The following VPS13B variants were observed in gnomAD, a reference collection of about 807,000 sequenced individuals.
VPS13B encodes the protein intermembrane lipid transfer protein VPS13B.
In VPS13B, 285 loss-of-function variants were observed where a neutral mutation model predicts 426.4. That is an observed-to-expected ratio of 0.67 (90% CI 0.61 to 0.74). VPS13B has a LOEUF of 0.74. Among genes scored for constraint, VPS13B ranks in the 30% least tolerant of loss-of-function variants. The pLI, the probability that VPS13B is intolerant of heterozygous loss-of-function variation, is 0.00. For synonymous variants in VPS13B, 1,676 were observed against 1,676.4 expected (o/e 1.00, Z 0.01); for missense variants, 4,537 against 4,782.6 (o/e 0.95, Z 1.51).
chr8:99,318,638 G>A (rs1025244860), intron 19 of VPS13B, among the ~76,000 whole-genome samples: 2 of 152,060 alleles, frequency 1.3e-5, no homozygotes, highest in Admixed American at 1.3e-4. Flanking sequence ...TCCTGCCTCA[G>A]CCTCCTGAAT....
At chr8:99,187,424 TA>T (rs1487021089) in intron 16 of VPS13B, among the ~76,000 whole-genome samples, 1 of 152,218 alleles carries the variant, frequency 6.6e-6, no homozygotes, top group African/African-American at 2.4e-5. Flanking sequence ...CATATTTGTT[TA>T]TCCTTCTATT....
intron 31 of VPS13B, among the ~76,000 whole-genome samples, chr8:99,570,587 T>C (rs1825424597): frequency 6.6e-6 from 1 of 152,076 alleles, no homozygotes; most frequent in South Asian, 2.1e-4. Context: ...TTTTTAATTC[T>C]GTATGTTTTT....
intron 23 of VPS13B, among the ~76,000 whole-genome samples, chr8:99,449,808 A>G (rs748401892): frequency 2.8e-4 from 43 of 151,430 alleles, no homozygotes; most frequent in Non-Finnish European, 5.0e-4. Context: ...TTTCAGAAGA[A>G]TGATTTTTTT....
At chr8:99,478,456 T>TGTTTG (rs1819841431) in intron 24 of VPS13B, among the ~76,000 whole-genome samples, 2 of 131,876 alleles carry the variant, frequency 1.5e-5, no homozygotes, top group African/African-American at 6.1e-5. Context: ...TGTTTTTTTT[T>TGTTTG]TTTTTTTTTG....
chr8:99,376,120 C>A (rs1359856584), intron 19 of VPS13B, among the ~76,000 whole-genome samples: 1 of 152,172 alleles, frequency 6.6e-6, no homozygotes, highest in Non-Finnish European at 1.5e-5. Flanking sequence ...GCCATTTGGG[C>A]AGTGAGGAGA....
At chr8:99,233,832 C>T in intron 17 of VPS13B, 1 of 778,900 alleles carries the variant, frequency 1.3e-6, no homozygotes, top group East Asian at 2.4e-5. Flanking sequence ...ATCTCTTCGG[C>T]TAGTTTGGTC....
rs188421228 is a variant in VPS13B at position 99,685,093 on chromosome 8, G to A, written c.6047-14432G>A. On this transcript the variant is annotated intron_variant, in intron 35 of 61. Coordinates refer to ENST00000357162, the MANE Select transcript of VPS13B (RefSeq NM_152564.5). ...TGGGATTACAGGTATGAGCCACCGC[G>A]CCTGGCCCCATTAGATGTTTTTAAG... 1.4e-3 allele frequency among the ~76,000 whole-genome samples: 208 copies of A among 152,308 alleles called. 3 individuals carry two copies. Among genetic ancestry groups the A allele is most frequent in the African/African-American group, 3.3e-3 (139 of 41,568 alleles).
intron 30 of VPS13B, among the ~76,000 whole-genome samples, chr8:99,529,342 G>A (rs1822810522): frequency 6.6e-6 from 1 of 152,154 alleles, no homozygotes; most frequent in South Asian, 2.1e-4. Context: ...ACTCAATAAT[G>A]TATTGTGGTC....
intron 21 of VPS13B, among the ~76,000 whole-genome samples, chr8:99,396,637 T>C (rs1219709242): frequency 6.6e-6 from 1 of 152,058 alleles, no homozygotes; most frequent in African/African-American, 2.4e-5. Flanking sequence ...TTTTTTTTGC[T>C]AAGGAATTAC....
intron 21 of VPS13B, among the ~76,000 whole-genome samples, chr8:99,397,883 G>T (rs1469603521): frequency 6.6e-6 from 1 of 152,134 alleles, no homozygotes; most frequent in Non-Finnish European, 1.5e-5. Context: ...CTGTCTAACT[G>T]CATAAGAGGT....
chr8:99,486,286 C>T (rs948757382), intron 25 of VPS13B, among the ~76,000 whole-genome samples: 1 of 151,974 alleles, frequency 6.6e-6, no homozygotes, highest in African/African-American at 2.4e-5. Context: ...AGTGCAGTGG[C>T]GCGATCTCGG....
chr8:99,681,024 T>G (rs1338550659), intron 35 of VPS13B, among the ~76,000 whole-genome samples: 1 of 152,226 alleles, frequency 6.6e-6, no homozygotes, highest in Non-Finnish European at 1.5e-5. Context: ...AGACACTATT[T>G]TTGCATATTT....
At chr8:99,150,879 A>G (rs977934263) in intron 14 of VPS13B, among the ~76,000 whole-genome samples, 1 of 152,164 alleles carries the variant, frequency 6.6e-6, no homozygotes, top group Admixed American at 6.5e-5. Flanking sequence ...CATGTTTTCA[A>G]CTCCTTTGGG....
intron 2 of VPS13B, among the ~76,000 whole-genome samples, chr8:99,016,218 G>GT (rs2132134559): frequency 6.6e-6 from 1 of 152,250 alleles, no homozygotes; most frequent in South Asian, 2.1e-4. Context: ...TCTTGGTAAC[G>GT]TAAGTATTAA....
chr8:99,232,656 C>T (rs1158726361), intron 17 of VPS13B, among the ~76,000 whole-genome samples: 1 of 152,184 alleles, frequency 6.6e-6, no homozygotes, highest in Non-Finnish European at 1.5e-5. Flanking sequence ...CTAATATGTG[C>T]ACACATGTAC....
intron 21 of VPS13B, among the ~76,000 whole-genome samples, chr8:99,402,486 G>A (rs189749230): frequency 3.5e-4 from 54 of 152,260 alleles, no homozygotes; most frequent in Admixed American, 2.6e-3. Flanking sequence ...TTAAGATGTT[G>A]TGTTGTACAA....
chr8:99,037,322 A>G (rs1842789580), intron 2 of VPS13B, among the ~76,000 whole-genome samples: 1 of 152,094 alleles, frequency 6.6e-6, no homozygotes, highest in Non-Finnish European at 1.5e-5. Flanking sequence ...TTGTAATAAT[A>G]ATAATAATAA....
chr8:99,213,833 T>G (rs1465792579), intron 17 of VPS13B, among the ~76,000 whole-genome samples: 2 of 151,898 alleles, frequency 1.3e-5, no homozygotes, highest in Non-Finnish European at 2.9e-5. Flanking sequence ...TTTTTTTTTT[T>G]TTGGCTGGGC....
chr8:99,693,868 G>A (rs1831811825), intron 35 of VPS13B, among the ~76,000 whole-genome samples: 1 of 148,632 alleles, frequency 6.7e-6, no homozygotes, highest in Non-Finnish European at 1.5e-5. Flanking sequence ...CAAAATGAAT[G>A]TACAAAAATC....
Sources: allele counts gnomAD v4.1 joint callset (sites outside exome capture counted in the v4.1 genomes callset), GRCh38; gene constraint gnomAD v4.1.1; transcripts MANE v1.5; gene names NCBI Gene and HGNC (gene_info 2026-07-23, HGNC 2026-07-21).